The following GRM3 variants were observed in gnomAD, a reference collection of about 807,000 sequenced individuals.
The protein encoded by GRM3 is glutamate metabotropic receptor 3, also known as metabotropic glutamate receptor 3.
In GRM3, 26 loss-of-function variants were observed where a neutral mutation model predicts 70.5. The ratio of observed to expected loss-of-function variants is 0.37; its 90% confidence interval spans 0.27 to 0.51. The LOEUF is 0.51. Ranked by LOEUF, GRM3 falls within the 20% of genes least tolerant of loss-of-function variation. The probability of loss-of-function intolerance (pLI) is 0.93; values close to 1 mark genes in which losing one functional copy is unlikely to be tolerated. For missense variants in GRM3, 859 were observed against 1,123.8 expected, an observed-to-expected ratio of 0.76 and a Z score of 3.37; for synonymous variants, 443 against 434.9, an observed-to-expected ratio of 1.02 and a Z score of -0.23.
rs529498954 is a variant in GRM3, at chr7:86,723,843, T to C, written c.-140-41163T>C. ...AATATGAATCATAGGAGGCATAGAT[T>C]GTACCAAGCTGTAGTAGTTTGTTGA... On this transcript the variant is annotated intron_variant, in intron 1 of 5. Transcript: ENST00000361669. Among the ~76,000 whole-genome samples the C allele has an allele frequency of 3.3e-5, 5 of 152,278 alleles. No individual in the cohort carries two copies. In the South Asian group the frequency reaches 1.0e-3, roughly 32 times the overall value.
At position 86,791,307 on chromosome 7, in the gene GRM3, A is replaced by C. The variant is rs1041210880; in HGVS notation, c.1324+4191A>C. On this transcript the variant is annotated intron_variant, in intron 3 of 5. Coordinates refer to ENST00000361669, the MANE Select transcript of GRM3 (RefSeq NM_000840.3). The stretch of plus-strand genomic sequence containing the variant: ...TTTATAATATGATTGCTTTGAAAAA[A>C]TTTTAATATATAAATTTTGTTCATT... 4.6e-5 allele frequency among the ~76,000 whole-genome samples: 7 copies of C among 152,228 alleles called. No individual in the cohort carries two copies. The South Asian group carries it at 8.3e-4, about 18-fold the overall frequency.
chr7:86,757,776 T>C (rs574604758), intron 1 of GRM3, among the ~76,000 whole-genome samples: 44 of 151,602 alleles, frequency 2.9e-4, no homozygotes, highest in Non-Finnish European at 3.2e-4. Context: ...TTCCCTCATG[T>C]GTTTTTTTTT....
chr7:86,815,581 TCTC>T (rs1375965666), intron 3 of GRM3, among the ~76,000 whole-genome samples: 15 of 151,932 alleles, frequency 9.9e-5, no homozygotes, highest in Non-Finnish European at 2.1e-4. Flanking sequence ...ATATTACTAT[TCTC>T]CTTTTATATT....
At chr7:86,750,181 T>C (rs1487813886) in intron 1 of GRM3, among the ~76,000 whole-genome samples, 1 of 152,078 alleles carries the variant, frequency 6.6e-6, no homozygotes, top group East Asian at 1.9e-4. Context: ...ACACCTAATA[T>C]ATGCCTGGCA....
At chr7:86,811,394 C>T (rs1018476631) in intron 3 of GRM3, among the ~76,000 whole-genome samples, 2 of 151,720 alleles carry the variant, frequency 1.3e-5, no homozygotes, top group Admixed American at 6.6e-5. Flanking sequence ...CTTCATGGAC[C>T]ATTTTGTTTT....
chr7:86,827,954 T>G (rs182572370), intron 3 of GRM3, among the ~76,000 whole-genome samples: 1,738 of 151,728 alleles, frequency 0.011, 35 homozygotes, highest in African/African-American at 0.04. Context: ...CTACTAAAAA[T>G]ACAAAAAATT....
At chr7:86,737,903 A>G (rs1047091686) in intron 1 of GRM3, among the ~76,000 whole-genome samples, 1 of 152,234 alleles carries the variant, frequency 6.6e-6, no homozygotes, top group African/African-American at 2.4e-5. Flanking sequence ...TCTCATTATG[A>G]TTTTAGCATG....
At chr7:86,832,431 G>T (rs1798372054) in intron 3 of GRM3, among the ~76,000 whole-genome samples, 1 of 151,852 alleles carries the variant, frequency 6.6e-6, no homozygotes. Flanking sequence ...TGTATTTTTA[G>T]TAGAGACAGG....
intron 3 of GRM3, among the ~76,000 whole-genome samples, chr7:86,829,698 G>A (rs563217265): frequency 3.3e-5 from 5 of 152,206 alleles, no homozygotes; most frequent in African/African-American, 1.2e-4. Flanking sequence ...TCTGACCTGG[G>A]TACAGTTTGC....
chr7:86,814,479 G>A (rs1021821229), intron 3 of GRM3, among the ~76,000 whole-genome samples: 3 of 151,614 alleles, frequency 2.0e-5, no homozygotes, highest in African/African-American at 7.3e-5. Context: ...TAAAAACCAA[G>A]GGTAACATAA....
chr7:86,797,284 G>T (rs1797572291), intron 3 of GRM3, among the ~76,000 whole-genome samples: 1 of 152,158 alleles, frequency 6.6e-6, no homozygotes, highest in African/African-American at 2.4e-5. Context: ...CTTGTTGAAT[G>T]GTTTTGACCA....
chr7:86,791,161 T>C (rs1797406415), intron 3 of GRM3, among the ~76,000 whole-genome samples: 1 of 152,188 alleles, frequency 6.6e-6, no homozygotes, highest in African/African-American at 2.4e-5. Context: ...GTGGGCTCTT[T>C]CAAGGCATGG....
chr7:86,742,650 T>C (rs558728233), intron 1 of GRM3, among the ~76,000 whole-genome samples: 1 of 152,198 alleles, frequency 6.6e-6, no homozygotes, highest in African/African-American at 2.4e-5. Flanking sequence ...AGAGTTTAGA[T>C]ATATTTAGGT....
chr7:86,785,333 A>G (rs1562862737), intron 2 of GRM3, among the ~76,000 whole-genome samples: 1 of 152,214 alleles, frequency 6.6e-6, no homozygotes, highest in African/African-American at 2.4e-5. Flanking sequence ...CAAATACTGT[A>G]TGCATAAAAT....
intron 3 of GRM3, among the ~76,000 whole-genome samples, chr7:86,800,129 T>C (rs942178525): frequency 6.6e-6 from 1 of 152,166 alleles, no homozygotes; most frequent in Admixed American, 6.5e-5. Context: ...ATCTCTGGGA[T>C]GTAGCTACAG....
At chr7:86,810,049 G>C (rs1562871543) in intron 3 of GRM3, among the ~76,000 whole-genome samples, 1 of 152,048 alleles carries the variant, frequency 6.6e-6, no homozygotes, top group African/African-American at 2.4e-5. Context: ...ATTTGCATAA[G>C]TGTAAAATGT....
intron 1 of GRM3, among the ~76,000 whole-genome samples, chr7:86,650,208 A>T (rs1322531603): frequency 6.6e-6 from 1 of 152,120 alleles, no homozygotes; most frequent in African/African-American, 2.4e-5. Context: ...CTCATTTTAT[A>T]CAGAAGAGGA....
intron 1 of GRM3, among the ~76,000 whole-genome samples, chr7:86,702,897 GA>G (rs901974887): frequency 1.3e-5 from 2 of 151,804 alleles, no homozygotes; most frequent in African/African-American, 4.8e-5. Flanking sequence ...CCCTTAATGA[GA>G]AAAAATACAC....
chr7:86,665,837 TA>T (rs1364614109), intron 1 of GRM3, among the ~76,000 whole-genome samples: 2 of 152,048 alleles, frequency 1.3e-5, no homozygotes, highest in African/African-American at 4.8e-5. Flanking sequence ...CTGCAGTGAT[TA>T]TGAAACTAAA....
Sources: gnomAD v4.1 joint callset for allele counts (sites outside exome capture counted in the v4.1 genomes callset) on GRCh38, gnomAD v4.1.1 for gene constraint, MANE v1.5 for transcripts, NCBI Gene and HGNC (gene_info 2026-07-23, HGNC 2026-07-21) for gene names.